RBFOX1: variants seen among roughly 807,000 people sequenced by gnomAD.
RBFOX1 encodes the protein RNA binding protein fox-1 homolog 1.
Under a neutral mutation model 57.7 loss-of-function variants are expected in RBFOX1, and 8 were observed. The ratio of observed to expected loss-of-function variants is 0.14; its 90% CI spans 0.08 to 0.25. RBFOX1 has a LOEUF of 0.25. Ranked by LOEUF, RBFOX1 falls within the 10% of genes least tolerant of loss-of-function variation. The pLI is 1.00. For synonymous variants in RBFOX1, 326 were observed against 222.4 expected, an observed-to-expected ratio of 1.47 and a Z score of -4.15; for missense variants, 611 against 548.5, an observed-to-expected ratio of 1.11 and a Z score of -1.14.
At chr16:5,687,669 A>T (rs2050546645) in intron 3 of RBFOX1, among the ~76,000 whole-genome samples, 2 of 152,126 alleles carry the variant, frequency 1.3e-5, no homozygotes, top group Admixed American at 6.5e-5. Flanking sequence ...CGACCATTCC[A>T]GTCTGCCTGA....
At chr16:6,815,976 C>T (rs968940196) in intron 3 of RBFOX1, among the ~76,000 whole-genome samples, 1 of 152,150 alleles carries the variant, frequency 6.6e-6, no homozygotes, top group Non-Finnish European at 1.5e-5. Flanking sequence ...TTAAGGTTGG[C>T]AAATCCTTTG....
At chr16:7,685,005 C>G (rs1183928495) in intron 14 of RBFOX1, among the ~76,000 whole-genome samples, 1 of 152,058 alleles carries the variant, frequency 6.6e-6, no homozygotes, top group Non-Finnish European at 1.5e-5. Flanking sequence ...TCTAAAAAGC[C>G]TGCAGAGCCT....
At chr16:7,528,504 G>GT (rs1567680001) in intron 5 of RBFOX1, among the ~76,000 whole-genome samples, 1 of 152,066 alleles carries the variant, frequency 6.6e-6, no homozygotes, top group African/African-American at 2.4e-5. Flanking sequence ...TGAGAGAGGG[G>GT]TCTCACTCCA....
intron 3 of RBFOX1, among the ~76,000 whole-genome samples, chr16:5,797,635 A>G (rs2054921938): frequency 6.6e-6 from 1 of 152,194 alleles, no homozygotes. Context: ...GAAATATTTG[A>G]AAGAGCCAGC....
intron 3 of RBFOX1, among the ~76,000 whole-genome samples, chr16:5,708,711 C>T (rs889454093): frequency 5.3e-5 from 8 of 152,168 alleles, no homozygotes; most frequent in African/African-American, 1.9e-4. Context: ...AGTGGTATAT[C>T]TGGCACCGGC....
chr16:5,366,916 T>C lies in RBFOX1; in HGVS notation c.220-100300T>C, dbSNP rs539624461. Among the ~76,000 whole-genome samples, 3 of 152,300 alleles carry C rather than the reference T, an allele frequency of 2.0e-5. No homozygotes were observed. In the East Asian group the frequency reaches 5.8e-4, roughly 29 times the overall value. Reference sequence around the variant, plus strand: ...GGTCTTAAGTATGAATGGAATGTTATGACAGGACATAGTAATAGCAGTGGT... The same window carrying C: ...GGTCTTAAGTATGAATGGAATGTTACGACAGGACATAGTAATAGCAGTGGT... On this transcript the variant is annotated intron_variant, in intron 1 of 2. Coordinates refer to the RBFOX1 transcript ENST00000585867.
At chr16:6,067,486 G>T (rs1364880389) in intron 1 of RBFOX1, among the ~76,000 whole-genome samples, 1 of 152,128 alleles carries the variant, frequency 6.6e-6, no homozygotes, top group Non-Finnish European at 1.5e-5. Flanking sequence ...ATCACTAACC[G>T]TACTTGTCTT....
intron 3 of RBFOX1, among the ~76,000 whole-genome samples, chr16:6,795,398 G>T (rs950583469): frequency 6.6e-6 from 1 of 152,050 alleles, no homozygotes; most frequent in Non-Finnish European, 1.5e-5. Context: ...AATCAGCTCT[G>T]GGGAGTTTTG....
In RBFOX1 at chr16:6,869,048, C is replaced by T. The variant is rs7188996; in HGVS notation, c.-15-183009C>T. On this transcript the variant is annotated intron_variant, in intron 3 of 15. Coordinates refer to ENST00000550418, the MANE Select transcript of RBFOX1 (RefSeq NM_018723.4). The stretch of plus-strand genomic sequence containing the variant: ...GCCAACCTGTATTGAGCACATGGTA[C>T]GAATGAGAAATAAACTTCCATTGCT... Among the ~76,000 whole-genome samples, 1,332 of 152,254 alleles carry T rather than the reference C, an allele frequency of 8.7e-3. 18 individuals carry two copies. The highest frequency in any genetic ancestry group is 0.02 in the African/African-American group (845 of 41,540).
chr16:6,553,546 G>A (rs1285996445), intron 2 of RBFOX1, among the ~76,000 whole-genome samples: 4 of 152,184 alleles, frequency 2.6e-5, no homozygotes, highest in Non-Finnish European at 5.9e-5. Flanking sequence ...ATATCCAATT[G>A]TCACCAAGTC....
At chr16:5,836,789 G>C (rs1397921421) in intron 3 of RBFOX1, among the ~76,000 whole-genome samples, 2 of 152,136 alleles carry the variant, frequency 1.3e-5, no homozygotes, top group East Asian at 3.9e-4. Flanking sequence ...AATGTCTCCT[G>C]ACATTGCCAA....
At chr16:6,282,402 C>T (rs752270173) in intron 1 of RBFOX1, among the ~76,000 whole-genome samples, 6 of 138,618 alleles carry the variant, frequency 4.3e-5, no homozygotes, top group East Asian at 2.2e-4. Flanking sequence ...TTCTGGGATA[C>T]GTGTTCAGAG....
chr16:5,731,172 A>T (rs2052358492), intron 3 of RBFOX1, among the ~76,000 whole-genome samples: 2 of 152,118 alleles, frequency 1.3e-5, no homozygotes, highest in Admixed American at 1.3e-4. Flanking sequence ...CTTCATCATC[A>T]CCACTGCCTT....
intron 3 of RBFOX1, among the ~76,000 whole-genome samples, chr16:6,947,748 T>C (rs767210553): frequency 6.6e-6 from 1 of 152,212 alleles, no homozygotes; most frequent in African/African-American, 2.4e-5. Flanking sequence ...CTTTCTTTTT[T>C]AGCTATTCAT....
chr16:5,293,363 T>G (rs1426732100), intron 1 of RBFOX1, among the ~76,000 whole-genome samples: 2 of 152,286 alleles, frequency 1.3e-5, no homozygotes, highest in Admixed American at 1.3e-4. Flanking sequence ...TCCCCACCTC[T>G]GCTAGGCATC....
intron 2 of RBFOX1, among the ~76,000 whole-genome samples, chr16:6,441,149 C>CT (rs1207909766): frequency 1.3e-5 from 2 of 152,092 alleles, no homozygotes; most frequent in Non-Finnish European, 2.9e-5. Flanking sequence ...GGAACATGCC[C>CT]TGGGGGGTGG....
At chr16:5,646,122 C>G (rs933622320) in intron 3 of RBFOX1, among the ~76,000 whole-genome samples, 4 of 151,416 alleles carry the variant, frequency 2.6e-5, no homozygotes, top group African/African-American at 7.3e-5. Flanking sequence ...CTCTGCCTCC[C>G]GGGTTTACAC....
intron 14 of RBFOX1, among the ~76,000 whole-genome samples, chr16:7,704,546 T>C (rs1337010423): frequency 1.3e-5 from 2 of 152,190 alleles, no homozygotes; most frequent in African/African-American, 2.4e-5. Flanking sequence ...TTTCTCTCTT[T>C]ACTCCTTTGT....
intron 4 of RBFOX1, among the ~76,000 whole-genome samples, chr16:7,162,536 C>A (rs2078550865): frequency 6.7e-6 from 1 of 150,166 alleles, no homozygotes; most frequent in African/African-American, 2.5e-5. Context: ...TTGAGACCAG[C>A]CTGGCCAACA....
Sources: gnomAD v4.1 joint callset for allele counts (sites outside exome capture counted in the v4.1 genomes callset) on GRCh38, gnomAD v4.1.1 for gene constraint, MANE v1.5 for transcripts, NCBI Gene and HGNC (gene_info 2026-07-23, HGNC 2026-07-21) for gene names.